SYT9: variants seen among roughly 807,000 people sequenced by gnomAD.
SYT9 encodes the protein synaptotagmin-9.
A neutral mutation model predicts 48.4 loss-of-function variants in SYT9; 22 were observed. That is an observed-to-expected ratio of 0.45 (90% CI 0.32 to 0.65). SYT9 has a LOEUF of 0.65. Ranked by LOEUF, SYT9 falls within the 30% of genes least tolerant of loss-of-function variation. The pLI, the probability that SYT9 is intolerant of heterozygous loss-of-function variation, is 0.03. For synonymous variants in SYT9, 265 were observed against 245.0 expected (o/e 1.08, Z -0.76); for missense variants, 577 against 622.0 (o/e 0.93, Z 0.77).
intron 1 of SYT9, among the ~76,000 whole-genome samples, chr11:7,292,088 T>C (rs1337895939): frequency 6.6e-6 from 1 of 152,098 alleles, no homozygotes; most frequent in Non-Finnish European, 1.5e-5. Context: ...AAAAGTCACT[T>C]CTCATGGAAG....
At chr11:7,455,394 C>T (rs545245436) in intron 6 of SYT9, among the ~76,000 whole-genome samples, 50 of 148,424 alleles carry the variant, frequency 3.4e-4, no homozygotes, top group Middle Eastern at 3.5e-3. Flanking sequence ...ACTGCAGTGG[C>T]GCCATCTCGG....
chr11:7,386,021 A>G (rs1356102286), intron 3 of SYT9, among the ~76,000 whole-genome samples: 1 of 152,158 alleles, frequency 6.6e-6, no homozygotes, highest in Non-Finnish European at 1.5e-5. Context: ...ATTTATTTAG[A>G]CTTTCCTTAA....
chr11:7,393,805 C>T (rs1204516961), intron 3 of SYT9, among the ~76,000 whole-genome samples: 1 of 151,702 alleles, frequency 6.6e-6, no homozygotes, highest in Non-Finnish European at 1.5e-5. Context: ...TCAATTTCTT[C>T]CTGATTCAGT....
intron 6 of SYT9, chr11:7,439,727 G>C (rs4072103): frequency 1.3e-5 from 2 of 152,092 alleles, no homozygotes; most frequent in African/African-American, 4.8e-5. Context: ...TGTTATTCAC[G>C]GTGCCTACCA....
chr11:7,433,706 C>T (rs55942019), intron 6 of SYT9, among the ~76,000 whole-genome samples: 80,531 of 152,042 alleles, frequency 0.53, 22,086 homozygotes, highest in African/African-American at 0.66. Context: ...TTCTACCATA[C>T]GAGGACACAG....
Position 7,368,579 on chromosome 11 carries a change from T to C in SYT9, c.1045-47463T>C, listed in dbSNP as rs755319666. Reference sequence around the variant, plus strand: ...CCCTCCCTGTGTCCATGTGTTCTCATTGTTCAACTCCCAATTATGAGTGAG... The same window carrying C: ...CCCTCCCTGTGTCCATGTGTTCTCACTGTTCAACTCCCAATTATGAGTGAG... On this transcript the variant is annotated intron_variant, in intron 3 of 6. Transcript: ENST00000318881. Among the ~76,000 whole-genome samples, 87 of 152,294 alleles carry C rather than the reference T, an allele frequency of 5.7e-4. 1 individual carries two copies. The highest frequency in any genetic ancestry group is 1.8e-3 in the Admixed American group (27 of 15,296).
intron 3 of SYT9, among the ~76,000 whole-genome samples, chr11:7,378,295 A>AT (rs1460561502): frequency 1.3e-5 from 2 of 152,042 alleles, no homozygotes; most frequent in Admixed American, 6.6e-5. Flanking sequence ...TGGAAAAGTC[A>AT]TTTTTTATAT....
At chr11:7,331,739 T>G (rs1360818119) in intron 3 of SYT9, among the ~76,000 whole-genome samples, 4 of 152,020 alleles carry the variant, frequency 2.6e-5, no homozygotes, top group Non-Finnish European at 5.9e-5. Flanking sequence ...AAAAGCTATT[T>G]ACATTAGGAG....
intron 3 of SYT9, among the ~76,000 whole-genome samples, chr11:7,333,482 T>G (rs1483228646): frequency 6.6e-6 from 1 of 152,228 alleles, no homozygotes; most frequent in Non-Finnish European, 1.5e-5. Flanking sequence ...ATCTTTAAGA[T>G]GAGCATGACT....
At chr11:7,397,447 C>A (rs1846777489) in intron 3 of SYT9, among the ~76,000 whole-genome samples, 1 of 152,050 alleles carries the variant, frequency 6.6e-6, no homozygotes, top group Non-Finnish European at 1.5e-5. Flanking sequence ...ATCTCATAAT[C>A]CAGTAGTGTT....
chr11:7,403,306 T>A (rs1001742699), intron 3 of SYT9, among the ~76,000 whole-genome samples: 10 of 152,188 alleles, frequency 6.6e-5, no homozygotes, highest in Admixed American at 3.9e-4. Context: ...ATGCCTGTAA[T>A]CCCAGCACTT....
intron 6 of SYT9, among the ~76,000 whole-genome samples, chr11:7,463,488 A>G (rs776883055): frequency 1.3e-5 from 2 of 151,332 alleles, no homozygotes; most frequent in East Asian, 3.9e-4. Context: ...GAAGCCAGAC[A>G]AAAGGGGGCT....
At chr11:7,246,876 T>A (rs1375625363) in intron 1 of SYT9, among the ~76,000 whole-genome samples, 2 of 152,208 alleles carry the variant, frequency 1.3e-5, no homozygotes, top group Non-Finnish European at 2.9e-5. Flanking sequence ...GACTGAGGCA[T>A]CTATTTTAGT....
chr11:7,389,341 G>T (rs1371112534), intron 3 of SYT9, among the ~76,000 whole-genome samples: 1 of 152,116 alleles, frequency 6.6e-6, no homozygotes, highest in African/African-American at 2.4e-5. Context: ...CACCTTGTGT[G>T]ACCTTCTGTA....
intron 1 of SYT9, among the ~76,000 whole-genome samples, chr11:7,289,237 A>G (rs934475327): frequency 1.3e-5 from 2 of 152,196 alleles, no homozygotes; most frequent in Non-Finnish European, 2.9e-5. Flanking sequence ...CAAAGATCCT[A>G]TCTAGGGACC....
chr11:7,444,499 A>T (rs1395426659), intron 6 of SYT9: 2 of 152,202 alleles, frequency 1.3e-5, no homozygotes, highest in African/African-American at 2.4e-5. Context: ...AATTCAGCAT[A>T]TTCATTTTAT....
At chr11:7,261,323 G>A (rs1848075069) in intron 1 of SYT9, among the ~76,000 whole-genome samples, 2 of 152,088 alleles carry the variant, frequency 1.3e-5, no homozygotes, top group Admixed American at 1.3e-4. Flanking sequence ...CCTTAATTAG[G>A]TATTCTGGAG....
chr11:7,453,400 G>A (rs572701525), intron 6 of SYT9, among the ~76,000 whole-genome samples: 51 of 152,110 alleles, frequency 3.4e-4, no homozygotes, highest in Non-Finnish European at 5.6e-4. Context: ...CTGGTCTCTA[G>A]CATGCACACA....
chr11:7,331,345 G>A (rs974412765), intron 3 of SYT9, among the ~76,000 whole-genome samples: 2 of 151,238 alleles, frequency 1.3e-5, no homozygotes, highest in Non-Finnish European at 2.9e-5. Flanking sequence ...TAGTGGCAAT[G>A]TCTGCCACAA....
Sources: allele counts gnomAD v4.1 joint callset (sites outside exome capture counted in the v4.1 genomes callset), GRCh38; gene constraint gnomAD v4.1.1; transcripts MANE v1.5; gene names NCBI Gene and HGNC (gene_info 2026-07-23, HGNC 2026-07-21).